AGBL4: variants seen among roughly 807,000 people sequenced by gnomAD.
The protein encoded by AGBL4 is cytosolic carboxypeptidase 6.
In AGBL4, 58 loss-of-function variants were observed where a neutral mutation model predicts 66.4. The ratio of observed to expected loss-of-function variants is 0.87; its 90% CI spans 0.71 to 1.09. The LOEUF is 1.09. AGBL4 is among the 50% of genes least tolerant of loss of function. AGBL4 has a pLI of 0.00. For synonymous variants in AGBL4, 234 were observed against 222.9 expected, an observed-to-expected ratio of 1.05 and a Z score of -0.44; for missense variants, 579 against 631.0, an observed-to-expected ratio of 0.92 and a Z score of 0.88.
intron 1 of AGBL4, among the ~76,000 whole-genome samples, chr1:49,962,073 T>C (rs1012962275): frequency 5.3e-5 from 8 of 152,152 alleles, no homozygotes; most frequent in African/African-American, 1.7e-4. Context: ...TGCTGCTTCA[T>C]GAAATACAGG....
chr1:49,990,589 G>A (rs1440052008), intron 1 of AGBL4, among the ~76,000 whole-genome samples: 4 of 152,122 alleles, frequency 2.6e-5, no homozygotes, highest in Admixed American at 6.6e-5. Context: ...TGTGAAAACG[G>A]ACTAATGCAA....
chr1:49,560,255 C>G lies in AGBL4; in HGVS notation c.282+137058G>C, dbSNP rs185031738. Among the ~76,000 whole-genome samples the G allele has an allele frequency of 2.8e-3, 433 of 152,154 alleles. 4 individuals are homozygous for G. Among genetic ancestry groups the G allele is most frequent in the African/African-American group, 9.9e-3 (411 of 41,518 alleles). On this transcript the variant is annotated intron_variant, in intron 3 of 13. Coordinates refer to ENST00000371839, the MANE Select transcript of AGBL4 (RefSeq NM_032785.4). ...ACGGAGAAAAAAATCAGAATTTCAT[C>G]AGATAAACTAAATAAAGAGACAGAG...
intron 2 of AGBL4, among the ~76,000 whole-genome samples, chr1:49,772,822 G>T (rs1339677944): frequency 6.6e-6 from 1 of 152,108 alleles, no homozygotes; most frequent in Admixed American, 6.6e-5. Flanking sequence ...CCTTAAAGAG[G>T]ATTTTTTTAT....
chr1:49,454,026 C>G (rs1246980629), intron 3 of AGBL4, among the ~76,000 whole-genome samples: 1 of 151,750 alleles, frequency 6.6e-6, no homozygotes, highest in Non-Finnish European at 1.5e-5. Flanking sequence ...CCATTCAAAG[C>G]AGCCAGCATG....
At chr1:49,886,768 A>G (rs1251114848) in intron 1 of AGBL4, among the ~76,000 whole-genome samples, 2 of 152,168 alleles carry the variant, frequency 1.3e-5, no homozygotes, top group Non-Finnish European at 2.9e-5. Context: ...GAGAATTTAC[A>G]TATGTAATCT....
chr1:48,633,905 C>T (rs1357937588), intron 9 of AGBL4, among the ~76,000 whole-genome samples: 1 of 152,240 alleles, frequency 6.6e-6, no homozygotes, highest in Non-Finnish European at 1.5e-5. Context: ...CCTCCAACTC[C>T]ATCCACATGG....
At chr1:48,642,410 A>G (rs1645772101) in intron 8 of AGBL4, among the ~76,000 whole-genome samples, 1 of 152,120 alleles carries the variant, frequency 6.6e-6, no homozygotes, top group Admixed American at 6.5e-5. Flanking sequence ...CGTACAGAGC[A>G]TATACTCCAG....
At chr1:48,636,094 C>T (rs1645663717) in intron 8 of AGBL4, among the ~76,000 whole-genome samples, 1 of 152,194 alleles carries the variant, frequency 6.6e-6, no homozygotes, top group Non-Finnish European at 1.5e-5. Context: ...ATACTATAAT[C>T]CCTAAAGTTT....
At chr1:49,080,351 G>T (rs1489117447) in intron 4 of AGBL4, among the ~76,000 whole-genome samples, 1 of 152,188 alleles carries the variant, frequency 6.6e-6, no homozygotes, top group Non-Finnish European at 1.5e-5. Flanking sequence ...GAAGCATAAA[G>T]AGAAAAGGGA....
intron 3 of AGBL4, among the ~76,000 whole-genome samples, chr1:49,400,551 T>C (rs1375909729): frequency 3.3e-5 from 5 of 152,208 alleles, no homozygotes; most frequent in African/African-American, 1.2e-4. Context: ...CTTCTTCAAT[T>C]TCTTTCATCA....
intron 3 of AGBL4, among the ~76,000 whole-genome samples, chr1:49,690,840 G>A (rs912785517): frequency 6.6e-6 from 1 of 152,112 alleles, no homozygotes; most frequent in Non-Finnish European, 1.5e-5. Flanking sequence ...ATCATCCCAT[G>A]TGTTTCTTCC....
At position 48,718,430 on chromosome 1, in the gene AGBL4, C is replaced by A. The variant is rs572518530; in HGVS notation, c.635-55189G>T. Among the ~76,000 whole-genome samples the A allele has an allele frequency of 2.6e-5, 4 of 152,328 alleles. No homozygotes were observed. In the South Asian group the frequency reaches 6.2e-4, roughly 24 times the overall value. The stretch of plus-strand genomic sequence containing the variant: ...CAAAGCTCCCTAGCTCAGAAAAGTG[C>A]ATGAATCAGCAAAATGAAAATAATT... On this transcript the variant is annotated intron_variant, in intron 6 of 13. Coordinates refer to ENST00000371839, the MANE Select transcript of AGBL4 (RefSeq NM_032785.4).
intron 3 of AGBL4, among the ~76,000 whole-genome samples, chr1:49,372,832 C>T (rs1159132143): frequency 6.6e-6 from 1 of 151,706 alleles, no homozygotes. Context: ...AATCTTGGCT[C>T]ACTGAAGCCT....
chr1:48,990,926 T>C (rs1209344160), intron 5 of AGBL4, among the ~76,000 whole-genome samples: 24 of 152,202 alleles, frequency 1.6e-4, no homozygotes, highest in Admixed American at 1.6e-3. Flanking sequence ...TTATTATATA[T>C]GTCTTGAAAA....
At chr1:49,143,521 T>C (rs1372656052) in intron 4 of AGBL4, among the ~76,000 whole-genome samples, 1 of 152,226 alleles carries the variant, frequency 6.6e-6, no homozygotes, top group Non-Finnish European at 1.5e-5. Context: ...GCTTCTGGAC[T>C]GTGAGTTCCG....
At chr1:49,390,589 T>A (rs1016374887) in intron 3 of AGBL4, among the ~76,000 whole-genome samples, 1 of 152,190 alleles carries the variant, frequency 6.6e-6, no homozygotes, top group Admixed American at 6.5e-5. Flanking sequence ...TTCTTACAAA[T>A]AAGGAAACTA....
At chr1:49,815,178 C>G (rs1645201571) in intron 2 of AGBL4, among the ~76,000 whole-genome samples, 1 of 152,156 alleles carries the variant, frequency 6.6e-6, no homozygotes, top group South Asian at 2.1e-4. Flanking sequence ...CTCCACTACC[C>G]TTCCCTGCCT....
chr1:49,963,942 GA>G (rs1042296881), intron 1 of AGBL4, among the ~76,000 whole-genome samples: 3 of 150,098 alleles, frequency 2.0e-5, no homozygotes, highest in Non-Finnish European at 3.0e-5. Flanking sequence ...AGTGTCATAA[GA>G]AAAAAAAACT....
intron 1 of AGBL4, among the ~76,000 whole-genome samples, chr1:49,960,171 A>C (rs1657001827): frequency 6.6e-6 from 1 of 152,036 alleles, no homozygotes; most frequent in Admixed American, 6.6e-5. Context: ...ACCTAAAATA[A>C]ATTTTTTAAA....
Sources: allele counts gnomAD v4.1 joint callset (sites outside exome capture counted in the v4.1 genomes callset), GRCh38; gene constraint gnomAD v4.1.1; transcripts MANE v1.5; gene names NCBI Gene and HGNC (gene_info 2026-07-23, HGNC 2026-07-21).